The following ZNF705A variants were observed in gnomAD, a reference collection of about 807,000 sequenced individuals.
The protein encoded by ZNF705A is zinc finger protein 705A.
A neutral mutation model predicts 16.6 loss-of-function variants in ZNF705A; 8 were observed. The observed-to-expected ratio is 0.48, with a 90% CI of 0.28 to 0.87. The LOEUF (loss-of-function observed/expected upper bound fraction) is 0.87, where lower values mean the gene tolerates loss of function less well. Among genes scored for constraint, ZNF705A ranks in the 40% least tolerant of loss-of-function variants. The probability of loss-of-function intolerance (pLI) is 0.10; values close to 1 mark genes in which losing one functional copy is unlikely to be tolerated. For missense variants in ZNF705A, 233 were observed against 359.9 expected (o/e 0.65, Z 2.85); for synonymous variants, 73 against 117.3 (o/e 0.62, Z 2.44).
chr12:8,177,271 G>C (rs1948493268), exon 5 of ZNF705A: 1 of 1,611,716 alleles, frequency 6.2e-7, no homozygotes, highest in Non-Finnish European at 8.5e-7. Context: ...ACACTGGAGA[G>C]AGGCCATATG....
chr12:8,171,552 C>T (rs921634109), upstream of ZNF705A, among the ~76,000 whole-genome samples: 8 of 152,138 alleles, frequency 5.3e-5, no homozygotes, highest in African/African-American at 1.9e-4. Flanking sequence ...TTTCTCCCAC[C>T]CCTACGTCAT....
At chr12:8,161,688 G>A (rs902869749) in intron 1 of ZNF705A, among the ~76,000 whole-genome samples, 7 of 152,198 alleles carry the variant, frequency 4.6e-5, no homozygotes, top group African/African-American at 1.7e-4. Flanking sequence ...ACATCTATTA[G>A]TAACTGCCCC....
chr12:8,175,971 A>T (rs1011323970), intron 4 of ZNF705A, 29 bp downstream of exon 5: 1 of 1,609,614 alleles, frequency 6.2e-7, no homozygotes, highest in Non-Finnish European at 8.5e-7. Flanking sequence ...TACACCAGTC[A>T]TCTAAGTTAA....
intron 1 of ZNF705A, among the ~76,000 whole-genome samples, chr12:8,165,623 C>A (rs983501857): frequency 1.6e-4 from 24 of 151,964 alleles, no homozygotes; most frequent in African/African-American, 5.8e-4. Flanking sequence ...TCTTGTAACC[C>A]AGATAGAAAA....
At chr12:8,167,920 G>A (rs1440724161), upstream of ZNF705A, among the ~76,000 whole-genome samples, 3 of 152,220 alleles carry the variant, frequency 2.0e-5, no homozygotes, top group African/African-American at 7.2e-5. Context: ...GAAGGTCCAA[G>A]AAAGAAAAGA....
upstream of ZNF705A, among the ~76,000 whole-genome samples, chr12:8,171,782 G>A (rs951000866): frequency 4.6e-5 from 7 of 152,162 alleles, no homozygotes; most frequent in East Asian, 1.9e-4. Context: ...TGTCACCCTC[G>A]CTGGAGTGCA....
At chr12:8,162,595 A>G (rs73246157) in intron 1 of ZNF705A, among the ~76,000 whole-genome samples, 357 of 152,292 alleles carry the variant, frequency 2.3e-3, no homozygotes, top group African/African-American at 8.2e-3. Context: ...CTTCTCAAGC[A>G]GCATCCATTT....
At chr12:8,165,167 G>C (rs776694270) in intron 1 of ZNF705A, among the ~76,000 whole-genome samples, 2 of 151,980 alleles carry the variant, frequency 1.3e-5, no homozygotes, top group African/African-American at 4.8e-5. Context: ...ATATTTCATG[G>C]TGGTTTTTAT....
At chr12:8,175,002 C>T (rs1948474521) in intron 2 of ZNF705A, among the ~76,000 whole-genome samples, 1 of 152,116 alleles carries the variant, frequency 6.6e-6, no homozygotes, top group Non-Finnish European at 1.5e-5. Context: ...ATTCATAGGT[C>T]CTGACTGTTT....
chr12:8,171,124 AG>A (rs1379232972), upstream of ZNF705A, among the ~76,000 whole-genome samples: 1 of 152,226 alleles, frequency 6.6e-6, no homozygotes, highest in Non-Finnish European at 1.5e-5. Flanking sequence ...TATAATCAGC[AG>A]GGTTATTATG....
chr12:8,157,357 A>C (rs1293201496), intron 1 of ZNF705A, among the ~76,000 whole-genome samples: 1 of 152,166 alleles, frequency 6.6e-6, no homozygotes, highest in Non-Finnish European at 1.5e-5. Context: ...ATTTAAAGCC[A>C]AAAAGCATTT....
upstream of ZNF705A, chr12:8,172,485 G>A: frequency 9.1e-7 from 1 of 1,104,836 alleles, no homozygotes. Flanking sequence ...GTGAAAGTCT[G>A]GCTTTTCATC....
chr12:8,164,884 G>T (rs746424805), intron 1 of ZNF705A, among the ~76,000 whole-genome samples: 1 of 152,098 alleles, frequency 6.6e-6, no homozygotes, highest in Non-Finnish European at 1.5e-5. Context: ...TGGTATTTCT[G>T]GTTGTAGGTC....
upstream of ZNF705A, among the ~76,000 whole-genome samples, chr12:8,171,398 C>T (rs778576991): frequency 0.01 from 1,549 of 152,134 alleles, 22 homozygotes; most frequent in African/African-American, 0.035. Flanking sequence ...TATCTATGTA[C>T]GAATATATAC....
In ZNF705A at chr12:8,175,933, T is replaced by A. The variant is rs754526936; in HGVS notation, c.309T>A (p.Ser103Arg). 4 of 1,611,512 alleles carry A rather than the reference T, an allele frequency of 2.5e-6. No homozygotes were observed. The South Asian group carries it at 4.4e-5, about 18-fold the overall frequency. The change falls in exon 4 of 5, where the codon AGT becomes AGA. Residue 103 changes from serine to arginine, a missense_variant. Ser to Arg is a moderately radical substitution (Grantham distance 110). Coordinates refer to ENST00000359286, the Ensembl canonical transcript of ZNF705A. ...TCACCAGAAAAGACGCATCCACCAGTATGACAATGGTAAGTTTTATAGCTG... is the reference window on the plus strand; with the variant it reads ...TCACCAGAAAAGACGCATCCACCAGAATGACAATGGTAAGTTTTATAGCTG...
In ZNF705A at chr12:8,177,645, G is replaced by A. The variant is rs752070471; in HGVS notation, c.*62G>A. 6.9e-6 allele frequency: 11 copies of A among 1,594,826 alleles called. No homozygotes were observed. The African/African-American group carries it at 1.5e-4, about 22-fold the overall frequency. On this transcript the variant is annotated 3_prime_UTR_variant, in exon 5 of 5. Transcript: ENST00000359286. ...TGCCATTTATGTGGGAAAGCCTTCAGTCAATGTACTAGTCTTAAATAGCAT... is the reference window on the plus strand; with the variant it reads ...TGCCATTTATGTGGGAAAGCCTTCAATCAATGTACTAGTCTTAAATAGCAT...
chr12:8,177,495 G>A lies in ZNF705A; in HGVS notation c.815G>A (p.Arg272Lys), dbSNP rs1279190588. Residue 272 changes from arginine to lysine, a missense_variant, in exon 5 of 5, where the codon AGA becomes AAA. Arg to Lys is a conservative substitution (Grantham distance 26). Coordinates refer to ENST00000359286, the Ensembl canonical transcript of ZNF705A. ...GCCTTTAGTCAAAGCTCTGGCTTTA[G>A]AGGAAACAAAATAATTCACACTGGA... 48 of 1,612,284 alleles carry A rather than the reference G, an allele frequency of 3.0e-5. 3 individuals carry two copies. The highest frequency in any genetic ancestry group is 2.7e-4 in the African/African-American group (20 of 74,992).
intron 1 of ZNF705A, among the ~76,000 whole-genome samples, chr12:8,159,336 G>C (rs1311669946): frequency 6.6e-6 from 1 of 152,138 alleles, no homozygotes; most frequent in Non-Finnish European, 1.5e-5. Flanking sequence ...ATACCCAGTA[G>C]TGAGATTGCT....
chr12:8,178,456 T>G (rs1463058332), exon 5 of ZNF705A: 1 of 152,620 alleles, frequency 6.6e-6, no homozygotes, highest in Non-Finnish European at 1.5e-5. Context: ...CATTTCTTAG[T>G]TGACATTAAG....
Sources: gnomAD v4.1 joint callset for allele counts (sites outside exome capture counted in the v4.1 genomes callset) on GRCh38, gnomAD v4.1.1 for gene constraint, MANE v1.5 for transcripts, NCBI Gene and HGNC (gene_info 2026-07-23, HGNC 2026-07-21) for gene names.